Variants in MYO9B observed in about 807,000 individuals in gnomAD.
MYO9B encodes the protein unconventional myosin-IXb.
In MYO9B, 71 loss-of-function variants were observed where a neutral mutation model predicts 229.5. That is an observed-to-expected ratio of 0.31 (90% CI 0.26 to 0.38). MYO9B has a LOEUF of 0.38. Ranked by LOEUF, MYO9B falls within the 10% of genes least tolerant of loss-of-function variation. The pLI is 1.00. For missense variants in MYO9B, 2,255 were observed against 2,920.5 expected (o/e 0.77, Z 5.25); for synonymous variants, 1,185 against 1,235.8 (o/e 0.96, Z 0.86).
intron 34 of MYO9B, 125 bp from the exon 35 acceptor site, chr19:17,206,988 C>G (rs539789799): frequency 7.2e-7 from 1 of 1,396,232 alleles, no homozygotes; most frequent in East Asian, 2.5e-5. Context: ...GAAGCATCTC[C>G]CAGTGCTGGG....
intron 19 of MYO9B, 85 bp downstream of exon 19, chr19:17,188,130 T>C (rs2072939887): frequency 1.6e-6 from 2 of 1,288,668 alleles, no homozygotes; most frequent in Non-Finnish European, 2.2e-6. Context: ...CTTGCTGGAG[T>C]GTAAACTCAG....
chr19:17,078,699 C>G (rs2057508431), intron 1 of MYO9B, among the ~76,000 whole-genome samples: 1 of 152,140 alleles, frequency 6.6e-6, no homozygotes, highest in African/African-American at 2.4e-5. Context: ...GTGGCTGGCC[C>G]CAGGTCAAAC....
At chr19:17,199,060 AG>A (rs2073078131) in intron 24 of MYO9B, among the ~76,000 whole-genome samples, 1 of 152,098 alleles carries the variant, frequency 6.6e-6, no homozygotes, top group Non-Finnish European at 1.5e-5. Context: ...AAAATTAGCC[AG>A]GCAGGGCGGT....
In MYO9B at chr19:17,193,669, G is replaced by A. The variant is rs1173895961; in HGVS notation, c.3128+607G>A. 6.6e-6 allele frequency among the ~76,000 whole-genome samples: 1 copy of A among 152,170 alleles called. No individual in the cohort carries two copies. Among genetic ancestry groups the A allele is most frequent in the Non-Finnish European group, 1.5e-5 (1 of 68,038 alleles). On this transcript the variant is annotated intron_variant, in intron 21 of 39. Coordinates refer to ENST00000682292, the MANE Select transcript of MYO9B (RefSeq NM_004145.4). The surrounding 1 kb of genome is among the most constrained non-coding windows in gnomAD (Gnocchi z 4.3). ...TAGATGGGAAGATCGCTTGAGCACAGGAGTTCAAGACCAGCCTGGCCAATA... is the reference window on the plus strand; with the variant it reads ...TAGATGGGAAGATCGCTTGAGCACAAGAGTTCAAGACCAGCCTGGCCAATA...
chr19:17,110,575 C>G (rs1055125604), intron 2 of MYO9B, among the ~76,000 whole-genome samples: 1 of 152,212 alleles, frequency 6.6e-6, no homozygotes, highest in Non-Finnish European at 1.5e-5. Context: ...CTTCATCTGT[C>G]CTGAACTGTA....
At chr19:17,109,361 G>A (rs1328070417) in intron 2 of MYO9B, among the ~76,000 whole-genome samples, 1 of 152,010 alleles carries the variant, frequency 6.6e-6, no homozygotes, top group African/African-American at 2.4e-5. Flanking sequence ...CACTGCGCCC[G>A]GCCATCATTT....
chr19:17,083,390 G>A (rs575097666), intron 1 of MYO9B, among the ~76,000 whole-genome samples: 1 of 152,268 alleles, frequency 6.6e-6, no homozygotes, highest in Admixed American at 6.5e-5. Context: ...ATTGGGGGCA[G>A]ATCATTCTCT....
intron 2 of MYO9B, among the ~76,000 whole-genome samples, chr19:17,102,999 T>G (rs1442727574): frequency 6.6e-6 from 1 of 151,048 alleles, no homozygotes; most frequent in African/African-American, 2.4e-5. Context: ...AGAGGATCGC[T>G]TGAGCCCAGG....
chr19:17,154,065 A>G lies in MYO9B; in HGVS notation c.1097A>G (p.Gln366Arg). Reference protein sequence around the residue: ...KQPEDYFYLNQHNLKIEDGED... With the variant: ...KQPEDYFYLNRHNLKIEDGED... Reference sequence around the variant, plus strand: ...CCTGAAGATTATTTCTACCTCAACCAGGTAAACAGCCTCAAGCCCGAGCCA... The same window carrying G: ...CCTGAAGATTATTTCTACCTCAACCGGGTAAACAGCCTCAAGCCCGAGCCA... Residue 366 changes from glutamine (Q) to arginine (R), a missense_variant and splice_region_variant, in exon 5 of 40, where the codon CAG (glutamine) becomes CGG (arginine). By Grantham distance (43) the Gln-to-Arg change is conservative. This residue lies in a region of MYO9B where 386 missense variants were observed against 515.2 expected (regional missense o/e 0.75). Transcript: ENST00000682292. 6.2e-7 allele frequency: 1 copy of G among 1,610,836 alleles called. No homozygotes were observed. The highest frequency in any genetic ancestry group is 8.5e-7 in the Non-Finnish European group (1 of 1,179,114).
intron 2 of MYO9B, among the ~76,000 whole-genome samples, chr19:17,141,242 G>A (rs1599363747): frequency 6.6e-6 from 1 of 152,118 alleles, no homozygotes; most frequent in Non-Finnish European, 1.5e-5. Flanking sequence ...CCTCCCTGGT[G>A]TGCTTGGCCA....
chr19:17,161,724 G>A (rs562841575), intron 8 of MYO9B, among the ~76,000 whole-genome samples: 7 of 152,220 alleles, frequency 4.6e-5, no homozygotes, highest in African/African-American at 1.7e-4. Flanking sequence ...GCTGAGGCTG[G>A]AGAATCGCTT....
At chr19:17,112,455 G>A (rs1309939447) in intron 2 of MYO9B, among the ~76,000 whole-genome samples, 3 of 152,228 alleles carry the variant, frequency 2.0e-5, no homozygotes, top group Non-Finnish European at 4.4e-5. Flanking sequence ...CGGGCCGGCT[G>A]GCGGGGGCCC....
chr19:17,078,618 G>T (rs1034252153), intron 1 of MYO9B, among the ~76,000 whole-genome samples: 1 of 152,136 alleles, frequency 6.6e-6, no homozygotes, highest in Non-Finnish European at 1.5e-5. Context: ...AAGATATTAT[G>T]GGGGGAGAAT....
rs539579302 is a variant in MYO9B at position 17,172,211 on chromosome 19, A to T, written c.1794-125A>T. ...CCCTCTGTGCACAGAGCCCTGTGCC[A>T]CTTCACTGCTCTGCCCACCCCATGC... is the stretch of plus-strand genomic sequence containing the variant. On this transcript the variant is annotated intron_variant, in intron 11 of 39. Transcript: ENST00000682292. This position sits in a 1 kb window ranked among gnomAD's most constrained non-coding sequence, Gnocchi z 8.2. 8.0e-6 allele frequency: 10 copies of T among 1,246,776 alleles called. No individual in the cohort carries two copies. The South Asian group carries it at 1.5e-4, about 18-fold the overall frequency. The allele number at this position is 1,246,776 out of a possible 1,614,324, so 77.2% of individuals were successfully genotyped here. A position where few individuals can be genotyped will look rare whatever the true frequency, so the allele number is the denominator to read the frequency against.
chr19:17,121,148 G>C (rs561125464), intron 2 of MYO9B, among the ~76,000 whole-genome samples: 305 of 152,220 alleles, frequency 2.0e-3, no homozygotes, highest in Middle Eastern at 0.017. Context: ...TTGCCATGTT[G>C]TCCAGCCTGG....
intron 3 of MYO9B, among the ~76,000 whole-genome samples, chr19:17,151,985 C>G (rs536279534): frequency 6.6e-6 from 1 of 151,814 alleles, no homozygotes; most frequent in Non-Finnish European, 1.5e-5. Context: ...GTCAGGAGTT[C>G]GAGACCAGCC....
rs908357352 is a variant in MYO9B, at chr19:17,213,015, C to G, written c.*705C>G. 2 of 152,416 alleles carry G rather than the reference C, an allele frequency of 1.3e-5. No homozygotes were observed. Among genetic ancestry groups the G allele is most frequent in the African/African-American group, 4.8e-5 (2 of 41,478 alleles). 9.4% of individuals were successfully genotyped at this position (152,416 alleles called of 1,614,324 possible). A position where few individuals can be genotyped will look rare whatever the true frequency, so the allele number is the denominator to read the frequency against. ...CAGGGAGACTTGAATGTGGCTGTCA[C>G]TCTTCCGGACGCCAAGGGCTGCAGG... is the stretch of plus-strand genomic sequence containing the variant. On this transcript the variant is annotated 3_prime_UTR_variant, in exon 40 of 40. Transcript: ENST00000682292.
rs60927116 is a variant in MYO9B at position 17,132,178 on chromosome 19, CTTTTTTTTTT to C, written c.841-13203_841-13194del. ...CCACTGTGCCTGGCTTATTTTATTT[CTTTTTTTTTT>C]TTTTTTTTTTTTTTTGAGACAGAGT... On this transcript the variant is annotated intron_variant, in intron 2 of 39. Transcript: ENST00000682292. Among the ~76,000 whole-genome samples the C allele has an allele frequency of 7.7e-5, 6 of 78,426 alleles. No homozygotes were observed. The South Asian group carries it at 2.2e-3, about 29-fold the overall frequency. 51.5% of individuals were successfully genotyped at this position (78,426 alleles called of 152,430 possible). A position where few individuals can be genotyped will look rare whatever the true frequency, so the allele number is the denominator to read the frequency against.
intron 7 of MYO9B, 110 bp downstream of exon 7, chr19:17,157,148 AC>A: frequency 7.5e-7 from 1 of 1,326,482 alleles, no homozygotes; most frequent in Non-Finnish European, 1.0e-6. Flanking sequence ...GGTTTCATCA[AC>A]CAGGACCTCA....
Sources: gnomAD v4.1 joint callset for allele counts (sites outside exome capture counted in the v4.1 genomes callset) on GRCh38, gnomAD v4.1.1 for gene constraint, gnomAD v4.1.1 regional missense constraint, Gnocchi (gnomAD v3.1) non-coding constraint, MANE v1.5 for transcripts, NCBI Gene and HGNC (gene_info 2026-07-23, HGNC 2026-07-21) for gene names.